The following TRIM3 variants were observed in gnomAD, a reference collection of about 807,000 sequenced individuals.
The protein encoded by TRIM3 is tripartite motif-containing protein 3.
A neutral mutation model predicts 66.6 loss-of-function variants in TRIM3; 13 were observed. The observed-to-expected ratio is 0.20, with a 90% CI of 0.13 to 0.31. TRIM3 has a LOEUF of 0.31. Ranked by LOEUF, TRIM3 falls within the 10% of genes least tolerant of loss-of-function variation. TRIM3 has a pLI of 1.00. For synonymous variants in TRIM3, 406 were observed against 411.7 expected, an observed-to-expected ratio of 0.99 and a Z score of 0.17; for missense variants, 711 against 1,020.4, an observed-to-expected ratio of 0.70 and a Z score of 4.13.
chr11:6,454,042 G>A (rs1373165480), intron 7 of TRIM3, among the ~76,000 whole-genome samples: 1 of 152,162 alleles, frequency 6.6e-6, no homozygotes, highest in East Asian at 1.9e-4. Context: ...GTTTGGAAGA[G>A]AGTGGAGCTA....
rs1850072714 is a variant in TRIM3, at chr11:6,458,014, C to T, written c.363+51G>A. The stretch of plus-strand genomic sequence containing the variant: ...CACTCGGCACCCCCCAATGCCTCTC[C>T]TCCTCCTCCCACCCCAAGTCCCGGC... On this transcript the variant is annotated intron_variant, in intron 3 of 11. Coordinates refer to ENST00000345851, the MANE Select transcript of TRIM3 (RefSeq NM_033278.4). The surrounding 1 kb of genome is among the most constrained non-coding windows in gnomAD (Gnocchi z 6.2). The T allele has an allele frequency of 1.9e-6, 3 of 1,559,280 alleles. No homozygotes were observed. The highest frequency in any genetic ancestry group is 4.5e-5 in the East Asian group (2 of 44,376).
chr11:6,462,247 T>C (rs1252277814), intron 2 of TRIM3, among the ~76,000 whole-genome samples: 4 of 152,114 alleles, frequency 2.6e-5, no homozygotes, highest in Non-Finnish European at 4.4e-5. Flanking sequence ...GTTTTCTTGA[T>C]TGCTTACTGT....
At chr11:6,470,123 T>G (rs1028986157) in intron 1 of TRIM3, among the ~76,000 whole-genome samples, 1 of 152,212 alleles carries the variant, frequency 6.6e-6, no homozygotes, top group Non-Finnish European at 1.5e-5. Context: ...CTATTAAGTA[T>G]AGAGTGACAA....
chr11:6,471,374 C>T (rs1343069678), intron 1 of TRIM3, among the ~76,000 whole-genome samples: 1 of 152,232 alleles, frequency 6.6e-6, no homozygotes, highest in Non-Finnish European at 1.5e-5. Flanking sequence ...CTGCAGGTTA[C>T]AGTCTTTGGG....
intron 1 of TRIM3, 110 bp from the exon 2 acceptor site, chr11:6,465,842 G>A: frequency 2.3e-6 from 2 of 868,422 alleles, no homozygotes; most frequent in South Asian, 1.6e-5. Flanking sequence ...TCCCTGCTAG[G>A]GGCAAGACAG....
chr11:6,456,454 C>A lies in TRIM3; in HGVS notation c.1272G>T (p.Leu424=). ...GCTTCACATCGTCCGGGGAAGGTGG[C>A]AGGTCCCCCGGACGCAGGGCACGCA... ...FRVRALRPGD[L]PPSPDDVKRR... The change falls in exon 6 of 12, where the codon CTG becomes CTT. Residue 424 remains leucine, a synonymous_variant. Transcript: ENST00000345851. This position sits in a 1 kb window ranked among gnomAD's most constrained non-coding sequence, Gnocchi z 6.4. 1 of 1,537,204 alleles carries A rather than the reference C, an allele frequency of 6.5e-7. No individual in the cohort carries two copies. Among genetic ancestry groups the A allele is most frequent in the Middle Eastern group, 1.8e-4 (1 of 5,676 alleles).
Position 6,450,776 on chromosome 11 carries a change from G to C in TRIM3, c.1870+116C>G. On this transcript the variant is annotated intron_variant, in intron 9 of 11. Transcript: ENST00000345851. The surrounding 1 kb of genome is among the most constrained non-coding windows in gnomAD (Gnocchi z 4.8). ...CTGAGATGATAGGGCTAACGTAAGG[G>C]AAGTGGGATCTCCAGAGCCAAGATA... is the stretch of plus-strand genomic sequence containing the variant. 6.8e-7 allele frequency: 1 copy of C among 1,478,952 alleles called. No individual in the cohort carries two copies. The highest frequency in any genetic ancestry group is 1.2e-5 in the South Asian group (1 of 82,928). The allele number at this position is 1,478,952 out of a possible 1,614,324, so 91.6% of individuals were successfully genotyped here.
chr11:6,468,494 G>T (rs1333042572), intron 1 of TRIM3, among the ~76,000 whole-genome samples: 2 of 152,204 alleles, frequency 1.3e-5, no homozygotes. Context: ...AGAGAGGGGA[G>T]CCAGCAAAGG....
chr11:6,464,752 C>T (rs1168072684), intron 2 of TRIM3, among the ~76,000 whole-genome samples: 3 of 151,996 alleles, frequency 2.0e-5, no homozygotes, highest in Admixed American at 6.6e-5. Context: ...TTTGGGAGGC[C>T]GAGGTAGGCG....
At chr11:6,464,876 A>T (rs1850384849) in intron 2 of TRIM3, among the ~76,000 whole-genome samples, 1 of 150,096 alleles carries the variant, frequency 6.7e-6, no homozygotes, top group South Asian at 2.1e-4. Flanking sequence ...AGTCCCAGCT[A>T]CTCCGGAGGC....
intron 1 of TRIM3, among the ~76,000 whole-genome samples, chr11:6,471,840 G>A (rs1850695413): frequency 6.6e-6 from 1 of 152,138 alleles, no homozygotes. Flanking sequence ...TGGGAAAACA[G>A]TGAGTAAAGA....
chr11:6,454,259 C>T (rs531540837), intron 7 of TRIM3, among the ~76,000 whole-genome samples: 20 of 152,128 alleles, frequency 1.3e-4, no homozygotes, highest in African/African-American at 4.3e-4. Context: ...GGTATAGTGG[C>T]ATGCGCCTGT....
At chr11:6,466,542 C>A (rs1419699752) in intron 1 of TRIM3, among the ~76,000 whole-genome samples, 1 of 150,924 alleles carries the variant, frequency 6.6e-6, no homozygotes, top group Non-Finnish European at 1.5e-5. Flanking sequence ...TGCCCCATAC[C>A]TTTTCTACAA....
At chr11:6,461,983 T>C (rs1265526953) in intron 2 of TRIM3, among the ~76,000 whole-genome samples, 3 of 152,134 alleles carry the variant, frequency 2.0e-5, no homozygotes, top group Non-Finnish European at 4.4e-5. Flanking sequence ...TCATCCCACT[T>C]TACTCCTCAC....
chr11:6,472,487 C>T (rs572156156), intron 1 of TRIM3, among the ~76,000 whole-genome samples: 1 of 151,550 alleles, frequency 6.6e-6, no homozygotes, highest in Admixed American at 6.6e-5. Flanking sequence ...CTGTGACACT[C>T]TATGAACGCT....
chr11:6,464,724 C>G (rs555339946), intron 2 of TRIM3, among the ~76,000 whole-genome samples: 1 of 152,082 alleles, frequency 6.6e-6, no homozygotes, highest in East Asian at 1.9e-4. Context: ...CGGTAGCTCA[C>G]GCCTGTAATC....
intron 2 of TRIM3, among the ~76,000 whole-genome samples, chr11:6,462,126 A>G (rs1301839331): frequency 6.6e-6 from 1 of 152,114 alleles, no homozygotes; most frequent in Non-Finnish European, 1.5e-5. Flanking sequence ...GTCAAATGTC[A>G]CCTCCTCAGG....
intron 1 of TRIM3, among the ~76,000 whole-genome samples, chr11:6,472,684 G>A (rs903573673): frequency 6.6e-6 from 1 of 152,220 alleles, no homozygotes; most frequent in Non-Finnish European, 1.5e-5. Context: ...AATCTCTGCA[G>A]TTCCCTTTCA....
Position 6,449,525 on chromosome 11 carries a change from C to T in TRIM3, c.1942-79G>A. On this transcript the variant is annotated intron_variant, in intron 10 of 11. Coordinates refer to ENST00000345851, the MANE Select transcript of TRIM3 (RefSeq NM_033278.4). This position sits in a 1 kb window ranked among gnomAD's most constrained non-coding sequence, Gnocchi z 5.3. The stretch of plus-strand genomic sequence containing the variant: ...GCTTTGGAGGAGGATAGGGTGAAGC[C>T]CCAGGGCTGAGAACCCCCACCCAGA... 1.4e-6 allele frequency: 2 copies of T among 1,437,976 alleles called. No homozygotes were observed. Among genetic ancestry groups the T allele is most frequent in the South Asian group, 2.8e-5 (2 of 72,072 alleles). 89.1% of individuals were successfully genotyped at this position (1,437,976 alleles called of 1,614,324 possible).
Sources: allele counts gnomAD v4.1 joint callset (sites outside exome capture counted in the v4.1 genomes callset), GRCh38; gene constraint gnomAD v4.1.1; non-coding constraint Gnocchi (gnomAD v3.1); transcripts MANE v1.5; gene names NCBI Gene and HGNC (gene_info 2026-07-23, HGNC 2026-07-21).